Variants in NEURL1 observed in about 807,000 individuals in gnomAD.
NEURL1 encodes the protein neuralized E3 ubiquitin protein ligase 1.
NEURL1 carries 26 observed loss-of-function variants against 41.2 expected under a neutral mutation model. The ratio of observed to expected loss-of-function variants is 0.63; its 90% CI spans 0.46 to 0.87. The LOEUF is 0.87. Among genes scored for constraint, NEURL1 ranks in the 40% least tolerant of loss-of-function variants. The pLI is 0.00. For synonymous variants in NEURL1, 400 were observed against 402.3 expected (o/e 0.99, Z 0.07); for missense variants, 761 against 871.1 (o/e 0.87, Z 1.59).
At chr10:103,529,276 T>A (rs2034523532) in intron 1 of NEURL1, among the ~76,000 whole-genome samples, 1 of 152,328 alleles carries the variant, frequency 6.6e-6, no homozygotes, top group Non-Finnish European at 1.5e-5. Context: ...CTTTGTTCGA[T>A]AAGGAATCAT....
At chr10:103,528,412 A>G (rs2034504945) in intron 1 of NEURL1, among the ~76,000 whole-genome samples, 1 of 151,700 alleles carries the variant, frequency 6.6e-6, no homozygotes, top group Non-Finnish European at 1.5e-5. Context: ...GTGTGTGCCT[A>G]TAGTCCCAGC....
At chr10:103,579,118 C>T (rs961817228) in intron 3 of NEURL1, among the ~76,000 whole-genome samples, 3 of 152,254 alleles carry the variant, frequency 2.0e-5, no homozygotes, top group African/African-American at 7.2e-5. Flanking sequence ...CCCTGCACTG[C>T]TGGCAGCGTA....
chr10:103,553,376 G>T (rs2133868720), intron 1 of NEURL1, among the ~76,000 whole-genome samples: 1 of 152,262 alleles, frequency 6.6e-6, no homozygotes, highest in South Asian at 2.1e-4. Context: ...GCCCCCATGG[G>T]AACTGGGTAT....
chr10:103,532,920 CTTTTTTTTTTTTT>C (rs144783148), intron 1 of NEURL1, among the ~76,000 whole-genome samples: 3 of 63,572 alleles, frequency 4.7e-5, no homozygotes, highest in East Asian at 5.7e-4. Context: ...TTCTCTTCTC[CTTTTTTTTTTTTT>C]TTTTTTTTTT....
At chr10:103,530,465 T>C (rs1210980286) in intron 1 of NEURL1, among the ~76,000 whole-genome samples, 1 of 152,248 alleles carries the variant, frequency 6.6e-6, no homozygotes, top group Non-Finnish European at 1.5e-5. Flanking sequence ...GTTATTTAAT[T>C]TCTATGTATT....
At position 103,591,710 on chromosome 10, in the gene NEURL1, G is replaced by A. The variant is rs984112972; in HGVS notation, c.*1338G>A. The stretch of plus-strand genomic sequence containing the variant: ...GGGCTGATGGTCACCCAGAGCCATA[G>A]AGCACCCTTCCTCCTGGGCCAGAGC... On this transcript the variant is annotated 3_prime_UTR_variant, in exon 6 of 6. Coordinates refer to ENST00000369780, the MANE Select transcript of NEURL1 (RefSeq NM_004210.5). The A allele has an allele frequency of 2.0e-5, 3 of 152,230 alleles. No homozygotes were observed. The highest frequency in any genetic ancestry group is 1.3e-4 in the Admixed American group (2 of 15,290). 9.4% of individuals were successfully genotyped at this position (152,230 alleles called of 1,614,324 possible).
intron 1 of NEURL1, among the ~76,000 whole-genome samples, chr10:103,519,271 GA>G (rs1354403314): frequency 6.6e-5 from 10 of 151,816 alleles, no homozygotes; most frequent in African/African-American, 2.2e-4. Context: ...AAGAAAGAAA[GA>G]AAAAAACACT....
chr10:103,540,523 C>T (rs1410316921), intron 1 of NEURL1, among the ~76,000 whole-genome samples: 1 of 152,132 alleles, frequency 6.6e-6, no homozygotes, highest in Non-Finnish European at 1.5e-5. Context: ...CTCCTGTCCT[C>T]AAGTGATCTG....
Position 103,533,783 on chromosome 10 carries a change from G to A in NEURL1, c.86-37089G>A, listed in dbSNP as rs183380558. ...GATCTGCTGACCTTCTGATCCGCCC[G>A]CCTTGGCCTCCCAAAGTGCTGGGAT... On this transcript the variant is annotated intron_variant, in intron 1 of 5. Transcript: ENST00000369780. Among the ~76,000 whole-genome samples the A allele has an allele frequency of 3.0e-3, 458 of 152,222 alleles. 5 individuals carry two copies. The highest frequency in any genetic ancestry group is 3.8e-3 in the Non-Finnish European group (259 of 68,022).
At chr10:103,579,555 G>T (rs2035741892) in intron 3 of NEURL1, among the ~76,000 whole-genome samples, 1 of 152,180 alleles carries the variant, frequency 6.6e-6, no homozygotes, top group African/African-American at 2.4e-5. Context: ...GAGATTGGCA[G>T]GGATAAATGG....
chr10:103,509,330 G>A (rs886651530), intron 1 of NEURL1, among the ~76,000 whole-genome samples: 4 of 151,966 alleles, frequency 2.6e-5, no homozygotes, highest in South Asian at 2.1e-4. Flanking sequence ...AGGCGATTTC[G>A]TCATAGGGGA....
intron 1 of NEURL1, among the ~76,000 whole-genome samples, chr10:103,512,533 A>C (rs959690598): frequency 2.0e-5 from 3 of 152,192 alleles, no homozygotes; most frequent in Non-Finnish European, 4.4e-5. Flanking sequence ...GAGGTGGTTC[A>C]TGCTTGGAAT....
At chr10:103,501,600 G>A (rs1361134359) in intron 1 of NEURL1, among the ~76,000 whole-genome samples, 1 of 116,962 alleles carries the variant, frequency 8.5e-6, no homozygotes, top group Admixed American at 8.9e-5. Context: ...AGGAGAGGTA[G>A]GTATTATTCC....
intron 1 of NEURL1, among the ~76,000 whole-genome samples, chr10:103,536,270 G>A (rs374291125): frequency 2.0e-5 from 3 of 152,202 alleles, no homozygotes; most frequent in East Asian, 1.9e-4. Flanking sequence ...TTGACCGGGC[G>A]CTGTGGCTCA....
intron 1 of NEURL1, among the ~76,000 whole-genome samples, chr10:103,526,347 C>T (rs2133857205): frequency 6.6e-6 from 1 of 152,244 alleles, no homozygotes; most frequent in Admixed American, 6.5e-5. Context: ...TAGAATTCAG[C>T]AGCGAGGCCA....
intron 1 of NEURL1, among the ~76,000 whole-genome samples, chr10:103,501,173 T>C (rs2033813642): frequency 6.6e-6 from 1 of 152,188 alleles, no homozygotes; most frequent in South Asian, 2.1e-4. Context: ...TTGGAGGGCC[T>C]ATGATATTAG....
At chr10:103,541,269 CTACA>C (rs1167859260) in intron 1 of NEURL1, among the ~76,000 whole-genome samples, 1 of 151,844 alleles carries the variant, frequency 6.6e-6, no homozygotes, top group East Asian at 1.9e-4. Context: ...ACATACATGC[CTACA>C]TACATACATA....
intron 3 of NEURL1, among the ~76,000 whole-genome samples, chr10:103,573,592 C>T (rs1233354006): frequency 6.6e-5 from 10 of 152,120 alleles, no homozygotes; most frequent in African/African-American, 2.4e-4. Context: ...ACTGGAGTCC[C>T]AGCGCTTGAG....
At chr10:103,549,660 G>A (rs2034994221) in intron 1 of NEURL1, among the ~76,000 whole-genome samples, 1 of 152,192 alleles carries the variant, frequency 6.6e-6, no homozygotes, top group Admixed American at 6.5e-5. Context: ...CTTGATGAAG[G>A]AAACACTATA....
Sources: gnomAD v4.1 joint callset for allele counts (sites outside exome capture counted in the v4.1 genomes callset) on GRCh38, gnomAD v4.1.1 for gene constraint, MANE v1.5 for transcripts, NCBI Gene and HGNC (gene_info 2026-07-23, HGNC 2026-07-21) for gene names.